RIMS1: variants seen among roughly 807,000 people sequenced by gnomAD.
The protein encoded by RIMS1 is regulating synaptic membrane exocytosis 1.
Under a neutral mutation model 214.1 loss-of-function variants are expected in RIMS1, and 83 were observed. The ratio of observed to expected loss-of-function variants is 0.39; its 90% CI spans 0.32 to 0.47. The LOEUF (loss-of-function observed/expected upper bound fraction) is 0.47, where lower values mean the gene tolerates loss of function less well. Ranked by LOEUF, RIMS1 falls within the 20% of genes least tolerant of loss-of-function variation. The probability of loss-of-function intolerance (pLI) is 0.99; values close to 1 mark genes in which losing one functional copy is unlikely to be tolerated. For synonymous variants in RIMS1, 793 were observed against 786.8 expected (o/e 1.01, Z -0.13); for missense variants, 2,050 against 2,161.8 (o/e 0.95, Z 1.03).
chr6:72,035,739 T>A (rs750099872), intron 2 of RIMS1, among the ~76,000 whole-genome samples: 1 of 152,162 alleles, frequency 6.6e-6, no homozygotes, highest in Non-Finnish European at 1.5e-5. Flanking sequence ...AAGAGTAGCT[T>A]TCCACTTCAG....
chr6:72,246,540 C>A (rs2069835565), intron 11 of RIMS1, among the ~76,000 whole-genome samples: 4 of 152,040 alleles, frequency 2.6e-5, no homozygotes, highest in African/African-American at 7.2e-5. Context: ...CCCAGGTGTT[C>A]TTACAGAACC....
At chr6:72,341,053 T>C (rs1384980421) in intron 29 of RIMS1, among the ~76,000 whole-genome samples, 6 of 152,082 alleles carry the variant, frequency 3.9e-5, no homozygotes, top group Non-Finnish European at 8.8e-5. Context: ...CAATTGTGAA[T>C]GGGAGTTCAC....
intron 6 of RIMS1, among the ~76,000 whole-genome samples, chr6:72,201,954 G>A (rs999880553): frequency 1.3e-5 from 2 of 152,140 alleles, no homozygotes. Context: ...TACTGTATTG[G>A]AAATCCAGAT....
At chr6:71,941,116 T>G (rs1385039706) in intron 1 of RIMS1, among the ~76,000 whole-genome samples, 1 of 152,136 alleles carries the variant, frequency 6.6e-6, no homozygotes, top group African/African-American at 2.4e-5. Context: ...CAATGTAGTT[T>G]TTTTTCACCC....
intron 29 of RIMS1, among the ~76,000 whole-genome samples, chr6:72,337,955 G>T (rs969023409): frequency 1.3e-5 from 2 of 151,718 alleles, no homozygotes; most frequent in South Asian, 2.1e-4. Context: ...ATTCCATGGT[G>T]TATATGTGCC....
intron 1 of RIMS1, among the ~76,000 whole-genome samples, chr6:71,894,305 G>A (rs1406938862): frequency 6.6e-6 from 1 of 152,052 alleles, no homozygotes. Context: ...AATTAACCTG[G>A]TATGGTGGAG....
intron 1 of RIMS1, among the ~76,000 whole-genome samples, chr6:71,951,877 G>C (rs1403911432): frequency 6.6e-6 from 1 of 151,926 alleles, no homozygotes; most frequent in African/African-American, 2.4e-5. Context: ...TTGACTCCTT[G>C]CCCTGTTGCC....
chr6:72,009,065 T>C (rs1453247341), intron 2 of RIMS1, among the ~76,000 whole-genome samples: 1 of 152,262 alleles, frequency 6.6e-6, no homozygotes, highest in South Asian at 2.1e-4. Flanking sequence ...ATTGACCACA[T>C]AGTTGGAAGT....
intron 29 of RIMS1, among the ~76,000 whole-genome samples, chr6:72,376,878 T>G (rs1383242965): frequency 1.3e-5 from 2 of 152,176 alleles, no homozygotes; most frequent in Admixed American, 6.5e-5. Context: ...ACAGACTTGT[T>G]CTAATGATAG....
chr6:72,303,963 GTAAATA>G (rs2094896897), intron 26 of RIMS1, among the ~76,000 whole-genome samples: 1 of 151,360 alleles, frequency 6.6e-6, no homozygotes, highest in Admixed American at 6.6e-5. Context: ...ATAGTCTATA[GTAAATA>G]TCTTTATCTT....
chr6:72,193,808 T>C (rs2050437105), intron 6 of RIMS1, among the ~76,000 whole-genome samples: 1 of 152,168 alleles, frequency 6.6e-6, no homozygotes, highest in Admixed American at 6.6e-5. Flanking sequence ...ATACCATATA[T>C]GTTTATTATC....
chr6:72,347,341 T>C (rs908231636), intron 29 of RIMS1, among the ~76,000 whole-genome samples: 8 of 151,436 alleles, frequency 5.3e-5, no homozygotes, highest in Admixed American at 2.6e-4. Context: ...ACAGAAAAGT[T>C]TTCTGGAATG....
chr6:72,115,810 T>C (rs2036960934), intron 4 of RIMS1, among the ~76,000 whole-genome samples: 1 of 151,904 alleles, frequency 6.6e-6, no homozygotes, highest in South Asian at 2.1e-4. Context: ...TTATTTCTTA[T>C]ATTAAGATGC....
chr6:72,356,460 A>G (rs1361484570), intron 29 of RIMS1, among the ~76,000 whole-genome samples: 1 of 152,122 alleles, frequency 6.6e-6, no homozygotes, highest in Non-Finnish European at 1.5e-5. Flanking sequence ...AATTTTATCT[A>G]AAAAATAATG....
chr6:72,104,109 A>T (rs765016489), intron 4 of RIMS1, among the ~76,000 whole-genome samples: 1 of 152,110 alleles, frequency 6.6e-6, no homozygotes, highest in Non-Finnish European at 1.5e-5. Context: ...TCTAAACAGG[A>T]ACTCTGAAAT....
intron 29 of RIMS1, among the ~76,000 whole-genome samples, chr6:72,369,195 G>A (rs1354004059): frequency 1.3e-5 from 2 of 151,656 alleles, no homozygotes; most frequent in Non-Finnish European, 2.9e-5. Context: ...CAAGCCAATT[G>A]AAATGATAAG....
chr6:72,233,470 C>G (rs560277319), intron 6 of RIMS1, among the ~76,000 whole-genome samples: 1 of 150,142 alleles, frequency 6.7e-6, no homozygotes, highest in East Asian at 1.9e-4. Context: ...TGGGTATGGA[C>G]TGTCCTTTAA....
chr6:71,888,420 C>G (rs762729905), intron 1 of RIMS1, among the ~76,000 whole-genome samples: 62 of 152,164 alleles, frequency 4.1e-4, no homozygotes, highest in African/African-American at 1.4e-3. Flanking sequence ...TACCTGATAG[C>G]AAAAGAGGGG....
intron 31 of RIMS1, among the ~76,000 whole-genome samples, chr6:72,394,828 C>G (rs930548846): frequency 2.0e-5 from 3 of 151,634 alleles, no homozygotes; most frequent in Non-Finnish European, 4.4e-5. Context: ...GATCAACTGA[C>G]CAGACAAATA....
Sources: gnomAD v4.1 joint callset for allele counts (sites outside exome capture counted in the v4.1 genomes callset) on GRCh38, gnomAD v4.1.1 for gene constraint, MANE v1.5 for transcripts, NCBI Gene and HGNC (gene_info 2026-07-23, HGNC 2026-07-21) for gene names.